The following MAST4 variants were observed in gnomAD, a reference collection of about 807,000 sequenced individuals.
The protein encoded by MAST4 is microtubule associated serine/threonine kinase family member 4.
A neutral mutation model predicts 162.7 loss-of-function variants in MAST4; 89 were observed. The ratio of observed to expected loss-of-function variants is 0.55; its 90% CI spans 0.46 to 0.65. The LOEUF (loss-of-function observed/expected upper bound fraction) is 0.65. MAST4 is among the 30% of genes least tolerant of loss of function. The pLI is 0.00. For synonymous variants in MAST4, 1,479 were observed against 1,361.1 expected (o/e 1.09, Z -1.91); for missense variants, 3,153 against 3,374.0 (o/e 0.93, Z 1.62).
intron 3 of MAST4, among the ~76,000 whole-genome samples, chr5:66,852,534 C>G (rs1322830136): frequency 1.3e-5 from 2 of 152,190 alleles, no homozygotes; most frequent in African/African-American, 4.8e-5. Context: ...TGTGTGGATA[C>G]AAATCTGTAT....
chr5:66,630,825 A>T (rs954400866), intron 1 of MAST4, among the ~76,000 whole-genome samples: 3 of 152,208 alleles, frequency 2.0e-5, no homozygotes, highest in African/African-American at 7.2e-5. Flanking sequence ...CTGGTGCCTT[A>T]TAGATTTCTA....
At chr5:66,858,450 T>G (rs1462843706) in intron 3 of MAST4, among the ~76,000 whole-genome samples, 2 of 152,212 alleles carry the variant, frequency 1.3e-5, no homozygotes, top group Non-Finnish European at 2.9e-5. Context: ...TGTCTTTTTT[T>G]CTTGTTTGTT....
At chr5:66,916,936 A>G (rs1764154569) in intron 4 of MAST4, 1 of 715,864 alleles carries the variant, frequency 1.4e-6, no homozygotes, top group Middle Eastern at 2.3e-4. Context: ...GCAATAAACA[A>G]TTTTTTTACC....
At chr5:66,680,218 A>T (rs1748237670) in intron 1 of MAST4, among the ~76,000 whole-genome samples, 2 of 152,206 alleles carry the variant, frequency 1.3e-5, no homozygotes, top group African/African-American at 4.8e-5. Context: ...GGCTCCTTTC[A>T]TACTGGAAGG....
At chr5:67,144,639 A>G (rs998422486) in intron 21 of MAST4, 30 bp from the exon 22 acceptor site, 6 of 1,607,944 alleles carry the variant, frequency 3.7e-6, no homozygotes, top group Middle Eastern at 1.7e-4. Context: ...TTTAGTAGAT[A>G]TTAATAAGCA....
intron 2 of MAST4, chr5:66,783,517 C>A (rs1477191175): frequency 1.3e-5 from 2 of 152,218 alleles, no homozygotes. Context: ...ATCTCTCTAT[C>A]CTGTTGGGCT....
chr5:66,630,210 C>T (rs1744708727), intron 1 of MAST4, among the ~76,000 whole-genome samples: 1 of 152,182 alleles, frequency 6.6e-6, no homozygotes, highest in South Asian at 2.1e-4. Context: ...GTGAAAACCA[C>T]TGCTCTAGGA....
chr5:67,104,505 C>G lies in MAST4; in HGVS notation c.1286C>G (p.Ser429Cys), dbSNP rs1266468441. 1 of 1,613,756 alleles carries G rather than the reference C, an allele frequency of 6.2e-7. No homozygotes were observed. The highest frequency in any genetic ancestry group is 8.5e-7 in the Non-Finnish European group (1 of 1,179,836). ...IELARDCLDK[S>C]HQGLITSRYF... Reference sequence around the variant, plus strand: ...CTGGCTCGAGATTGCTTGGATAAATCCCACCAGGGCCTCATCACCTCACGA... The same window carrying G: ...CTGGCTCGAGATTGCTTGGATAAATGCCACCAGGGCCTCATCACCTCACGA... The change falls in exon 10 of 29, where the codon TCC becomes TGC. Residue 429 changes from serine (S) to cysteine (C), a missense_variant. Around this residue, in one of 7 missense-constraint regions of MAST4, gnomAD observed 360 missense variants for 450.0 expected, o/e 0.80. Transcript: ENST00000403625.
At chr5:67,112,275 C>T (rs1766333828) in intron 11 of MAST4, among the ~76,000 whole-genome samples, 1 of 152,174 alleles carries the variant, frequency 6.6e-6, no homozygotes, top group African/African-American at 2.4e-5. Flanking sequence ...TCGGTTTCTC[C>T]TGCTGTGCTC....
intron 4 of MAST4, among the ~76,000 whole-genome samples, chr5:67,018,457 G>A (rs1453965929): frequency 6.6e-6 from 1 of 152,134 alleles, no homozygotes; most frequent in African/African-American, 2.4e-5. Context: ...CGCAGCTGCA[G>A]TGAGCAATGG....
chr5:67,064,920 CA>C (rs1294628353), intron 5 of MAST4, among the ~76,000 whole-genome samples: 7 of 151,840 alleles, frequency 4.6e-5, no homozygotes, highest in East Asian at 1.9e-4. Flanking sequence ...CAAATTTTGT[CA>C]AAAAAATACA....
At chr5:66,893,159 T>C (rs1368885834) in intron 3 of MAST4, among the ~76,000 whole-genome samples, 2 of 152,160 alleles carry the variant, frequency 1.3e-5, no homozygotes, top group East Asian at 3.8e-4. Context: ...AAGCATTTTG[T>C]TTTAGCCTTT....
chr5:66,839,448 A>G (rs1758262678), intron 3 of MAST4, among the ~76,000 whole-genome samples: 1 of 152,196 alleles, frequency 6.6e-6, no homozygotes, highest in African/African-American at 2.4e-5. Flanking sequence ...TTCTGTTAGA[A>G]TGGTTTTCCA....
At chr5:66,721,138 CA>C (rs1479772694) in intron 1 of MAST4, among the ~76,000 whole-genome samples, 1 of 152,228 alleles carries the variant, frequency 6.6e-6, no homozygotes, top group African/African-American at 2.4e-5. Context: ...CGTGTCCACA[CA>C]TAAGTATGCT....
At chr5:67,147,284 G>A (rs534792576) in intron 23 of MAST4, among the ~76,000 whole-genome samples, 2 of 152,272 alleles carry the variant, frequency 1.3e-5, no homozygotes, top group East Asian at 1.9e-4. Context: ...TCTGAAAACC[G>A]TGACTGTAGT....
At chr5:66,926,145 C>T (rs145273805) in intron 4 of MAST4, among the ~76,000 whole-genome samples, 90 of 152,224 alleles carry the variant, frequency 5.9e-4, no homozygotes, top group African/African-American at 2.1e-3. Context: ...AAATAGATGA[C>T]TATGCAAATT....
chr5:67,098,807 C>T (rs1764718974), intron 7 of MAST4, among the ~76,000 whole-genome samples: 1 of 152,138 alleles, frequency 6.6e-6, no homozygotes, highest in African/African-American at 2.4e-5. Context: ...TTGGAATTTT[C>T]ACTTTTAGAA....
In MAST4 at chr5:67,024,546, A is replaced by G. The variant is rs1041768763; in HGVS notation, c.675-29858A>G. ...TCTATTTTCTAGAAAGGATTGCGTT[A>G]TCTTCATCCTAAGTAATGTGTAAGT... is the stretch of plus-strand genomic sequence containing the variant. On this transcript the variant is annotated intron_variant, in intron 4 of 28. Transcript: ENST00000403625. Among the ~76,000 whole-genome samples, 3 of 152,058 alleles carry G rather than the reference A, an allele frequency of 2.0e-5. No individual in the cohort carries two copies. In the East Asian group the frequency reaches 5.8e-4, roughly 29 times the overall value.
Position 66,900,045 on chromosome 5 carries a change from C to A in MAST4, c.674+63C>A. The A allele has an allele frequency of 8.7e-6, 10 of 1,146,592 alleles. No individual in the cohort carries two copies. The South Asian group carries it at 1.2e-4, about 14-fold the overall frequency. 71.0% of individuals were successfully genotyped at this position (1,146,592 alleles called of 1,614,324 possible). A position where few individuals can be genotyped will look rare whatever the true frequency, so the allele number is the denominator to read the frequency against. On this transcript the variant is annotated intron_variant, in intron 4 of 28. Coordinates refer to ENST00000403625, the MANE Select transcript of MAST4 (RefSeq NM_001164664.2). ...TTAATATATAGTTTATAGTATGATT[C>A]TTCTCTGATTCATTAGTGGCAATTA...
Sources: gnomAD v4.1 joint callset for allele counts (sites outside exome capture counted in the v4.1 genomes callset) on GRCh38, gnomAD v4.1.1 for gene constraint, gnomAD v4.1.1 regional missense constraint, MANE v1.5 for transcripts, NCBI Gene and HGNC (gene_info 2026-07-23, HGNC 2026-07-21) for gene names.